Variants in BACH2 observed in about 807,000 individuals in gnomAD.
BACH2 encodes the protein BACH transcriptional regulator 2.
In BACH2, 5 loss-of-function variants were observed where a neutral mutation model predicts 61.8. The ratio of observed to expected loss-of-function variants is 0.08; its 90% CI spans 0.04 to 0.17. The LOEUF (loss-of-function observed/expected upper bound fraction) is 0.17, where lower values mean the gene tolerates loss of function less well. BACH2 is among the 10% of genes least tolerant of loss of function. The pLI, the probability that BACH2 is intolerant of heterozygous loss-of-function variation, is 1.00. For synonymous variants in BACH2, 446 were observed against 440.1 expected (o/e 1.01, Z -0.17); for missense variants, 824 against 1,091.1 (o/e 0.76, Z 3.45).
intron 8 of BACH2, among the ~76,000 whole-genome samples, chr6:89,933,805 G>T (rs1409885264): frequency 6.7e-6 from 1 of 150,268 alleles, no homozygotes; most frequent in Non-Finnish European, 1.5e-5. Context: ...GGGGAACATG[G>T]CAAAACCCCT....
intron 4 of BACH2, among the ~76,000 whole-genome samples, chr6:90,165,000 T>G (rs1445693763): frequency 1.3e-4 from 20 of 152,078 alleles, no homozygotes; most frequent in South Asian, 4.1e-4. Flanking sequence ...TTGAGAACAG[T>G]CACAAGACAG....
chr6:90,106,498 A>G (rs1268960288), intron 4 of BACH2, among the ~76,000 whole-genome samples: 1 of 152,226 alleles, frequency 6.6e-6, no homozygotes, highest in Non-Finnish European at 1.5e-5. Flanking sequence ...GGAGCAGTAG[A>G]CTATACCATA....
chr6:90,005,746 T>C (rs555550807), intron 6 of BACH2, among the ~76,000 whole-genome samples: 1 of 152,278 alleles, frequency 6.6e-6, no homozygotes, highest in Admixed American at 6.5e-5. Context: ...ATCAACAAGA[T>C]ACTTAGAGCT....
At chr6:89,974,674 C>A (rs1447499860) in intron 6 of BACH2, among the ~76,000 whole-genome samples, 1 of 152,164 alleles carries the variant, frequency 6.6e-6, no homozygotes. Context: ...TCTGGCCTCG[C>A]TAATAAATCC....
At chr6:90,156,774 T>C (rs914672100) in intron 4 of BACH2, among the ~76,000 whole-genome samples, 1 of 152,090 alleles carries the variant, frequency 6.6e-6, no homozygotes, top group Non-Finnish European at 1.5e-5. Flanking sequence ...AAAAATGCTA[T>C]GAAACAACAC....
intron 4 of BACH2, among the ~76,000 whole-genome samples, chr6:90,175,231 C>G (rs1767948421): frequency 6.6e-6 from 1 of 152,048 alleles, no homozygotes; most frequent in African/African-American, 2.4e-5. Flanking sequence ...TTAGGAAGTT[C>G]TTTTTCTATA....
Position 89,951,559 on chromosome 6 carries a change from C to G in BACH2, c.547G>C (p.Asp183His). Residue 183 changes from aspartate (D) to histidine (H), a missense_variant, in exon 7 of 9, where the codon GAC (aspartate) becomes CAC (histidine). By Grantham distance (81) the Asp-to-His change is moderately conservative. Coordinates refer to ENST00000257749, the MANE Select transcript of BACH2 (RefSeq NM_021813.4). The surrounding 1 kb of genome is among the most constrained non-coding windows in gnomAD (Gnocchi z 6.4). ...CTGATGGGCTCTGGAAGCATCTGGT[C>G]CCTGGGGCAAGCCATCTTGGCCGTC... ...SETAKMACPRDQMLPEPISFE... is the reference protein window; with the variant it reads ...SETAKMACPRHQMLPEPISFE... 6.2e-7 allele frequency: 1 copy of G among 1,614,178 alleles called. No homozygotes were observed. The highest frequency in any genetic ancestry group is 8.5e-7 in the Non-Finnish European group (1 of 1,180,046).
chr6:90,209,059 G>C (rs187405367), intron 3 of BACH2, among the ~76,000 whole-genome samples: 2,281 of 150,952 alleles, frequency 0.015, 36 homozygotes, highest in East Asian at 0.068. Flanking sequence ...GTCGGGGGGT[G>C]GGGGGCTGGG....
intron 4 of BACH2, among the ~76,000 whole-genome samples, chr6:90,124,201 C>T (rs7742553): frequency 0.034 from 5,249 of 152,264 alleles, 119 homozygotes; most frequent in South Asian, 0.089. Flanking sequence ...TCTGCAGCTG[C>T]AGCCAACTTT....
intron 5 of BACH2, among the ~76,000 whole-genome samples, chr6:90,050,361 A>C (rs1423095670): frequency 6.6e-6 from 1 of 152,214 alleles, no homozygotes; most frequent in Non-Finnish European, 1.5e-5. Context: ...AGAAGTTACC[A>C]CTTGTCAAAT....
intron 5 of BACH2, among the ~76,000 whole-genome samples, chr6:90,045,614 A>G (rs1223532185): frequency 3.3e-5 from 5 of 152,130 alleles, no homozygotes; most frequent in Admixed American, 1.3e-4. Flanking sequence ...GTTAAGCTGT[A>G]TTTCTCAAAA....
At chr6:90,066,343 C>T (rs1411809448) in intron 5 of BACH2, among the ~76,000 whole-genome samples, 1 of 152,098 alleles carries the variant, frequency 6.6e-6, no homozygotes, top group East Asian at 1.9e-4. Flanking sequence ...TATAGCTGGC[C>T]ATGTGACTCT....
At chr6:90,114,745 A>G (rs1783319856) in intron 4 of BACH2, among the ~76,000 whole-genome samples, 1 of 152,206 alleles carries the variant, frequency 6.6e-6, no homozygotes, top group African/African-American at 2.4e-5. Flanking sequence ...TGCAAACAAC[A>G]TGATTCTACA....
intron 2 of BACH2, among the ~76,000 whole-genome samples, chr6:90,253,506 C>A (rs1458698600): frequency 2.6e-5 from 4 of 152,098 alleles, no homozygotes; most frequent in South Asian, 2.1e-4. Context: ...GGGTGTTAAA[C>A]TTCAGGATGT....
intron 4 of BACH2, among the ~76,000 whole-genome samples, chr6:90,093,897 G>GC (rs1782276342): frequency 1.3e-5 from 2 of 152,190 alleles, no homozygotes; most frequent in African/African-American, 4.8e-5. Context: ...ATATGGTAAT[G>GC]CTACACTAAG....
At chr6:90,090,776 C>A (rs1197405428) in intron 4 of BACH2, among the ~76,000 whole-genome samples, 1 of 152,088 alleles carries the variant, frequency 6.6e-6, no homozygotes, top group Non-Finnish European at 1.5e-5. Context: ...GAAGAAAAAC[C>A]ACTGATTATT....
intron 7 of BACH2, among the ~76,000 whole-genome samples, chr6:89,948,595 G>C (rs1477505998): frequency 6.6e-6 from 1 of 152,210 alleles, no homozygotes; most frequent in Non-Finnish European, 1.5e-5. Flanking sequence ...AGGAAGCCAT[G>C]ATGCGGATGA....
In BACH2 at chr6:90,032,282, G is replaced by C. The variant is rs559884413; in HGVS notation, c.-12-23426C>G. Among the ~76,000 whole-genome samples the C allele has an allele frequency of 9.1e-4, 136 of 149,556 alleles. 1 individual carries two copies. In the East Asian group the frequency reaches 0.023, roughly 25 times the overall value. On this transcript the variant is annotated intron_variant, in intron 5 of 8. Transcript: ENST00000257749. ...AAGAAAACCTAGGCAATACCATTCAGGACATAGGCATGGGCAAGTACTTCA... is the reference window on the plus strand; with the variant it reads ...AAGAAAACCTAGGCAATACCATTCACGACATAGGCATGGGCAAGTACTTCA...
intron 4 of BACH2, among the ~76,000 whole-genome samples, chr6:90,166,899 C>T (rs1009353915): frequency 1.2e-4 from 14 of 117,290 alleles, no homozygotes; most frequent in African/African-American, 4.7e-4. Context: ...CACACCAGGG[C>T]CTGTCGTGGG....
Sources: allele counts gnomAD v4.1 joint callset (sites outside exome capture counted in the v4.1 genomes callset), GRCh38; gene constraint gnomAD v4.1.1; non-coding constraint Gnocchi (gnomAD v3.1); transcripts MANE v1.5; gene names NCBI Gene and HGNC (gene_info 2026-07-23, HGNC 2026-07-21).